Variants in CNTN5 observed in about 807,000 individuals in gnomAD.
CNTN5 encodes the protein contactin-5.
CNTN5 carries 77 observed loss-of-function variants against 129.1 expected under a neutral mutation model. The observed-to-expected ratio is 0.60, with a 90% CI of 0.50 to 0.72. The LOEUF (loss-of-function observed/expected upper bound fraction) is 0.72, where lower values mean the gene tolerates loss of function less well. Ranked by LOEUF, CNTN5 falls within the 30% of genes least tolerant of loss-of-function variation. The probability of loss-of-function intolerance (pLI) is 0.00; values close to 1 mark genes in which losing one functional copy is unlikely to be tolerated. For missense variants in CNTN5, 1,478 were observed against 1,328.8 expected, an observed-to-expected ratio of 1.11 and a Z score of -1.75; for synonymous variants, 509 against 465.6, an observed-to-expected ratio of 1.09 and a Z score of -1.20.
At chr11:100,350,632 A>T (rs953084418) in intron 23 of CNTN5, 70 bp from the exon 24 acceptor site, 1 of 1,158,238 alleles carries the variant, frequency 8.6e-7, no homozygotes, top group African/African-American at 1.5e-5. Flanking sequence ...AGAATGTGAC[A>T]CATAGTAGGC....
intron 2 of CNTN5, among the ~76,000 whole-genome samples, chr11:99,474,752 T>A (rs1945305199): frequency 6.6e-6 from 1 of 152,200 alleles, no homozygotes. Context: ...CTTAAAAGTT[T>A]CTAATTAAAT....
chr11:99,377,853 T>G (rs1385596047), intron 2 of CNTN5, among the ~76,000 whole-genome samples: 1 of 152,150 alleles, frequency 6.6e-6, no homozygotes, highest in African/African-American at 2.4e-5. Flanking sequence ...AACTAAGTTC[T>G]TCACCCAAGT....
chr11:99,539,293 G>T (rs1948012072), intron 2 of CNTN5, among the ~76,000 whole-genome samples: 3 of 151,850 alleles, frequency 2.0e-5, no homozygotes, highest in Admixed American at 2.0e-4. Flanking sequence ...AAAATCATTT[G>T]GTAATATTAA....
intron 15 of CNTN5, among the ~76,000 whole-genome samples, chr11:100,202,679 C>T (rs936994224): frequency 6.6e-6 from 1 of 151,860 alleles, no homozygotes; most frequent in Non-Finnish European, 1.5e-5. Context: ...TAGAATTTTA[C>T]ATTTTTAACA....
intron 1 of CNTN5, among the ~76,000 whole-genome samples, chr11:99,261,538 A>G (rs1481024578): frequency 6.6e-6 from 1 of 152,040 alleles, no homozygotes; most frequent in Non-Finnish European, 1.5e-5. Context: ...ATTTAACACT[A>G]TTATCTTTGG....
rs183027897 is a variant in CNTN5 at position 100,018,793 on chromosome 11, C to A, written c.980+16657C>A. 1.7e-3 allele frequency among the ~76,000 whole-genome samples: 265 copies of A among 151,998 alleles called. 1 individual carries two copies. The highest frequency in any genetic ancestry group is 5.6e-3 in the African/African-American group (232 of 41,546). ...TACTATTTTGCATTATTATTAGCAG[C>A]AGTGTTGGAGAGTCCAAGTACCTCC... On this transcript the variant is annotated intron_variant, in intron 9 of 24. Coordinates refer to ENST00000524871, the MANE Select transcript of CNTN5 (RefSeq NM_014361.4).
chr11:99,161,691 AT>A (rs1288029720), intron 1 of CNTN5, among the ~76,000 whole-genome samples: 1 of 152,134 alleles, frequency 6.6e-6, no homozygotes, highest in East Asian at 1.9e-4. Context: ...TTCTAAAGCC[AT>A]TTTCCCCAGG....
At chr11:99,887,120 T>C (rs1030781716) in intron 6 of CNTN5, among the ~76,000 whole-genome samples, 1 of 152,188 alleles carries the variant, frequency 6.6e-6, no homozygotes, top group East Asian at 1.9e-4. Flanking sequence ...TATTGTGTGG[T>C]TAAAACATTA....
chr11:99,886,724 A>G (rs965069611), intron 6 of CNTN5, among the ~76,000 whole-genome samples: 2 of 152,234 alleles, frequency 1.3e-5, no homozygotes, highest in Non-Finnish European at 1.5e-5. Flanking sequence ...TCAGAAAATG[A>G]AATATGTTAA....
intron 6 of CNTN5, among the ~76,000 whole-genome samples, chr11:99,858,737 G>GC (rs1948118371): frequency 6.8e-6 from 1 of 146,008 alleles, no homozygotes; most frequent in South Asian, 2.2e-4. Flanking sequence ...TTTTAGAAAT[G>GC]AAAAAAAAAG....
At chr11:99,063,782 T>C (rs535855570) in intron 1 of CNTN5, among the ~76,000 whole-genome samples, 2 of 152,234 alleles carry the variant, frequency 1.3e-5, no homozygotes, top group East Asian at 3.9e-4. Context: ...AAAGGGGTTT[T>C]GTTAAGAAAA....
chr11:99,338,687 G>C (rs1866346937), intron 2 of CNTN5, among the ~76,000 whole-genome samples: 1 of 151,742 alleles, frequency 6.6e-6, no homozygotes, highest in South Asian at 2.1e-4. Flanking sequence ...CCAAGAAACT[G>C]TACTAGGTTT....
chr11:100,211,367 A>C (rs1349973470), intron 15 of CNTN5, among the ~76,000 whole-genome samples: 2 of 152,156 alleles, frequency 1.3e-5, no homozygotes, highest in Non-Finnish European at 2.9e-5. Flanking sequence ...ACTTTTGCTA[A>C]GCAACTTTAA....
At chr11:100,004,693 A>T (rs919996560) in intron 9 of CNTN5, among the ~76,000 whole-genome samples, 1 of 152,144 alleles carries the variant, frequency 6.6e-6, no homozygotes, top group East Asian at 1.9e-4. Context: ...CCTGATAGCA[A>T]TGACTCATTG....
intron 8 of CNTN5, among the ~76,000 whole-genome samples, chr11:99,997,005 C>A (rs2137443641): frequency 6.6e-6 from 1 of 152,256 alleles, no homozygotes; most frequent in African/African-American, 2.4e-5. Context: ...ACCCCGACCC[C>A]TCCCAAATCT....
At chr11:99,723,600 T>G (rs1943242930) in intron 3 of CNTN5, among the ~76,000 whole-genome samples, 1 of 152,192 alleles carries the variant, frequency 6.6e-6, no homozygotes, top group Admixed American at 6.5e-5. Context: ...TCTAATATGT[T>G]ACATATTTTC....
intron 1 of CNTN5, among the ~76,000 whole-genome samples, chr11:99,282,123 T>C (rs752619149): frequency 6.6e-5 from 10 of 152,062 alleles, no homozygotes; most frequent in Non-Finnish European, 1.3e-4. Flanking sequence ...GAAAATTTTA[T>C]TCACGATCTG....
At chr11:100,345,367 G>A (rs1461895386) in intron 23 of CNTN5, among the ~76,000 whole-genome samples, 7 of 152,094 alleles carry the variant, frequency 4.6e-5, no homozygotes, top group Non-Finnish European at 8.8e-5. Flanking sequence ...CATGAAAGGA[G>A]AAGTCCTTGT....
intron 13 of CNTN5, among the ~76,000 whole-genome samples, chr11:100,118,873 G>A (rs934378157): frequency 1.3e-5 from 2 of 151,686 alleles, no homozygotes; most frequent in African/African-American, 4.8e-5. Flanking sequence ...TAACTAAAAA[G>A]CATTATTCAC....
Sources: allele counts gnomAD v4.1 joint callset (sites outside exome capture counted in the v4.1 genomes callset), GRCh38; gene constraint gnomAD v4.1.1; transcripts MANE v1.5; gene names NCBI Gene and HGNC (gene_info 2026-07-23, HGNC 2026-07-21).